The following DAGLB variants were observed in gnomAD, a reference collection of about 807,000 sequenced individuals.
DAGLB encodes diacylglycerol lipase beta.
A neutral mutation model predicts 72.1 loss-of-function variants in DAGLB; 66 were observed. The observed-to-expected ratio is 0.92, with a 90% CI of 0.75 to 1.12. The LOEUF (loss-of-function observed/expected upper bound fraction) is 1.12, where lower values mean the gene tolerates loss of function less well. Ranked by LOEUF, DAGLB falls within the 50% of genes most tolerant of loss-of-function variation. The probability of loss-of-function intolerance (pLI) is 0.00; values close to 1 mark genes in which losing one functional copy is unlikely to be tolerated. For missense variants in DAGLB, 1,065 were observed against 884.9 expected (o/e 1.20, Z -2.58); for synonymous variants, 414 against 359.5 (o/e 1.15, Z -1.71).
chr7:6,439,184 T>C (rs931126319), intron 2 of DAGLB, among the ~76,000 whole-genome samples: 3 of 149,018 alleles, frequency 2.0e-5, no homozygotes, highest in Non-Finnish European at 4.4e-5. Context: ...GAACCCAGGA[T>C]GCGGAGGTTG....
chr7:6,430,050 T>C (rs958637479), intron 6 of DAGLB, among the ~76,000 whole-genome samples: 3 of 139,762 alleles, frequency 2.1e-5, no homozygotes, highest in African/African-American at 8.1e-5. Context: ...TCTCAAAAAA[T>C]GAAAATTAGC....
At chr7:6,411,677 CTTCT>C (rs1388362836) in intron 13 of DAGLB, among the ~76,000 whole-genome samples, 2 of 152,134 alleles carry the variant, frequency 1.3e-5, no homozygotes, top group Admixed American at 1.3e-4. Context: ...AATTGCGTTT[CTTCT>C]TTCTGATTAG....
intron 9 of DAGLB, among the ~76,000 whole-genome samples, chr7:6,419,228 G>A (rs1466087959): frequency 6.6e-5 from 10 of 151,788 alleles, no homozygotes; most frequent in Admixed American, 2.0e-4. Flanking sequence ...TACCGTGTTG[G>A]CCAGGCTGGT....
At chr7:6,446,941 T>C (rs1250599239) in intron 1 of DAGLB, among the ~76,000 whole-genome samples, 1 of 151,916 alleles carries the variant, frequency 6.6e-6, no homozygotes, top group African/African-American at 2.4e-5. Context: ...GCCCAGGAGG[T>C]TGAGGCTGCA....
intron 11 of DAGLB, among the ~76,000 whole-genome samples, chr7:6,413,838 T>A (rs1366010722): frequency 2.0e-5 from 3 of 151,876 alleles, no homozygotes; most frequent in African/African-American, 7.3e-5. Context: ...CACTGCGGGG[T>A]CATCTCAGGA....
chr7:6,428,026 A>T (rs2115268578), intron 6 of DAGLB, among the ~76,000 whole-genome samples: 1 of 152,342 alleles, frequency 6.6e-6, no homozygotes, highest in Non-Finnish European at 1.5e-5. Flanking sequence ...ATGACAATTA[A>T]TGTAGAAGAA....
intron 11 of DAGLB, 136 bp from the exon 12 acceptor site, chr7:6,413,170 T>C: frequency 1.1e-6 from 1 of 919,320 alleles, no homozygotes; most frequent in Non-Finnish European, 1.6e-6. Flanking sequence ...AAAGGGAGGG[T>C]AGGGGAAACG....
At chr7:6,429,767 G>C (rs549880197) in intron 6 of DAGLB, among the ~76,000 whole-genome samples, 3 of 152,028 alleles carry the variant, frequency 2.0e-5, no homozygotes, top group South Asian at 2.1e-4. Context: ...GGGTGTGGCC[G>C]GGCGTGGTGG....
At chr7:6,438,437 A>G (rs1784731787) in intron 2 of DAGLB, among the ~76,000 whole-genome samples, 1 of 152,204 alleles carries the variant, frequency 6.6e-6, no homozygotes, top group Non-Finnish European at 1.5e-5. Context: ...AAAATTTTAT[A>G]AGCTAAATAA....
chr7:6,440,388 A>G (rs1390936567), intron 2 of DAGLB, among the ~76,000 whole-genome samples: 1 of 60,248 alleles, frequency 1.7e-5, no homozygotes, highest in Non-Finnish European at 2.4e-5. Flanking sequence ...TCCGTCTCCA[A>G]AAAAAAAAAA....
At chr7:6,438,693 A>T (rs1391963936) in intron 2 of DAGLB, among the ~76,000 whole-genome samples, 1 of 152,194 alleles carries the variant, frequency 6.6e-6, no homozygotes, top group Non-Finnish European at 1.5e-5. Flanking sequence ...AATGAAATAC[A>T]CAGACAAGGA....
At chr7:6,430,395 T>C in intron 6 of DAGLB, 85 bp downstream of exon 6, 1 of 1,386,056 alleles carries the variant, frequency 7.2e-7, no homozygotes, top group Non-Finnish European at 9.4e-7. Flanking sequence ...CTTTGCACTG[T>C]TCTTTCAAAT....
In DAGLB at chr7:6,440,051, C is replaced by CA. The variant is rs1160695528; in HGVS notation, c.248-3519dup. Among the ~76,000 whole-genome samples, 353 of 68,000 alleles carry CA rather than the reference C, an allele frequency of 5.2e-3. 2 individuals carry two copies. The highest frequency in any genetic ancestry group is 0.014 in the African/African-American group (242 of 16,858). 44.6% of individuals were successfully genotyped at this position (68,000 alleles called of 152,430 possible). On this transcript the variant is annotated intron_variant, in intron 2 of 14. Transcript: ENST00000297056. ...TGGGTGATGGAGAAAGACTCTGTCT[C>CA]AAAAAAAAAAAAAAAAGAAAGAAAA...
At chr7:6,445,791 A>C (rs1409772128) in intron 2 of DAGLB, 162 bp downstream of exon 2, 4 of 779,248 alleles carry the variant, frequency 5.1e-6, no homozygotes, top group Non-Finnish European at 7.6e-6. Context: ...AGGAGTGAAG[A>C]AAATGGTATA....
At chr7:6,445,124 C>A (rs1426022737) in intron 2 of DAGLB, among the ~76,000 whole-genome samples, 1 of 152,168 alleles carries the variant, frequency 6.6e-6, no homozygotes, top group African/African-American at 2.4e-5. Context: ...CAATTCACTC[C>A]TAGGTACACA....
chr7:6,424,630 T>C, intron 8 of DAGLB, 122 bp downstream of exon 8: 1 of 914,866 alleles, frequency 1.1e-6, no homozygotes, highest in East Asian at 2.5e-5. Context: ...ATCCTCATTT[T>C]CTGTCCTCAC....
chr7:6,421,888 T>C (rs1358912145), intron 8 of DAGLB, 84 bp from the exon 9 acceptor site: 26 of 1,449,498 alleles, frequency 1.8e-5, no homozygotes, highest in Non-Finnish European at 2.5e-5. Flanking sequence ...CTCCTGACAC[T>C]TCTGTGGAGG....
intron 8 of DAGLB, among the ~76,000 whole-genome samples, chr7:6,423,947 G>A (rs1172870637): frequency 6.6e-6 from 1 of 152,146 alleles, no homozygotes; most frequent in Non-Finnish European, 1.5e-5. Context: ...GAGCAGCCCT[G>A]TGGGAAGTGT....
chr7:6,427,752 C>T (rs1583292350), intron 6 of DAGLB, among the ~76,000 whole-genome samples: 1 of 152,040 alleles, frequency 6.6e-6, no homozygotes, highest in Non-Finnish European at 1.5e-5. Context: ...GATGATACCA[C>T]TATACTCTAG....
Sources: gnomAD v4.1 joint callset for allele counts (sites outside exome capture counted in the v4.1 genomes callset) on GRCh38, gnomAD v4.1.1 for gene constraint, MANE v1.5 for transcripts, NCBI Gene and HGNC (gene_info 2026-07-23, HGNC 2026-07-21) for gene names.